Variants in OR5A1 observed in about 807,000 individuals in gnomAD.
The protein encoded by OR5A1 is olfactory receptor 5A1.
In OR5A1, 6 loss-of-function variants were observed where a neutral mutation model predicts 6.7. That is an observed-to-expected ratio of 0.89 (90% CI 0.49 to 1.76). The LOEUF is 1.76. Among genes scored for constraint, OR5A1 ranks in the 40% most tolerant of loss-of-function variants. OR5A1 has a pLI of 0.01. For missense variants in OR5A1, 378 were observed against 381.7 expected (o/e 0.99, Z 0.08); for synonymous variants, 170 against 155.0 (o/e 1.10, Z -0.72).
Position 59,445,465 on chromosome 11 carries a change from AACATAC to A in OR5A1, c.*1354_*1359del, listed in dbSNP as rs1300884889. On this transcript the variant is annotated 3_prime_UTR_variant, in exon 2 of 2. Transcript: ENST00000641045. ...TGCTATTGTGAATAGTGCTGCAATG[AACATAC>A]ACATGCATGTATATTTATAATAGAA... 2 of 152,180 alleles carry A rather than the reference AACATAC, an allele frequency of 1.3e-5. No homozygotes were observed. The highest frequency in any genetic ancestry group is 4.8e-5 in the African/African-American group (2 of 41,444). The allele number at this position is 152,180 out of a possible 1,614,324, so 9.4% of individuals were successfully genotyped here. A position where few individuals can be genotyped will look rare whatever the true frequency, so the allele number is the denominator to read the frequency against.
rs1171329602 is a variant in OR5A1, at chr11:59,447,605, A to G, written c.*3489A>G. On this transcript the variant is annotated 3_prime_UTR_variant, in exon 2 of 2. Coordinates refer to ENST00000641045, the MANE Select transcript of OR5A1 (RefSeq NM_001004728.2). Reference sequence around the variant, plus strand: ...GAGAGATTGTCTGATCCTCACCCCTATTTGGTTGCAGTTACATCATTAGCT... The same window carrying G: ...GAGAGATTGTCTGATCCTCACCCCTGTTTGGTTGCAGTTACATCATTAGCT... 3.3e-5 allele frequency: 5 copies of G among 152,198 alleles called. No individual in the cohort carries two copies. The highest frequency in any genetic ancestry group is 5.9e-5 in the Non-Finnish European group (4 of 68,026). 9.4% of individuals were successfully genotyped at this position (152,198 alleles called of 1,614,324 possible).
rs1436826532 is a variant in OR5A1, at chr11:59,444,182, C to T, written c.*66C>T. 1.0e-5 allele frequency: 11 copies of T among 1,083,520 alleles called. No homozygotes were observed. Among genetic ancestry groups the T allele is most frequent in the Admixed American group, 7.6e-5 (4 of 52,746 alleles). The allele number at this position is 1,083,520 out of a possible 1,614,324, so 67.1% of individuals were successfully genotyped here. A position where few individuals can be genotyped will look rare whatever the true frequency, so the allele number is the denominator to read the frequency against. ...TAAACAATCCAAGCCTTCACCTCCACCTCTGCCTCAGGCAAGGGAGATATT... is the reference window on the plus strand; with the variant it reads ...TAAACAATCCAAGCCTTCACCTCCATCTCTGCCTCAGGCAAGGGAGATATT... On this transcript the variant is annotated 3_prime_UTR_variant, in exon 2 of 2. Coordinates refer to ENST00000641045, the MANE Select transcript of OR5A1 (RefSeq NM_001004728.2).
chr11:59,443,816 A>C lies in OR5A1; in HGVS notation c.648A>C (p.Gln216His). The C allele has an allele frequency of 6.2e-7, 1 of 1,613,804 alleles. No homozygotes were observed. The highest frequency in any genetic ancestry group is 8.5e-7 in the Non-Finnish European group (1 of 1,179,924). ...CTGTCGGAGGAACATCGTTCCTCCA[A>C]CTCCTTATCTCCTATGGTTACATAG... is the stretch of plus-strand genomic sequence containing the variant. ...VVTVGGTSFLQLLISYGYIVS... is the reference protein window; with the variant it reads ...VVTVGGTSFLHLLISYGYIVS... The change falls in exon 2 of 2, where the codon CAA becomes CAC. Residue 216 changes from glutamine (Q) to histidine (H), a missense_variant. By Grantham distance (24) the Gln-to-His change is conservative. Transcript: ENST00000641045.
At position 59,444,286 on chromosome 11, in the gene OR5A1, C is replaced by A. The variant is rs1280802099; in HGVS notation, c.*170C>A. The A allele has an allele frequency of 3.3e-4, 53 of 162,898 alleles. No homozygotes were observed. Among genetic ancestry groups the A allele is most frequent in the East Asian group, 8.5e-4 (6 of 7,062 alleles). The allele number at this position is 162,898 out of a possible 1,614,324, so 10.1% of individuals were successfully genotyped here. A position where few individuals can be genotyped will look rare whatever the true frequency, so the allele number is the denominator to read the frequency against. On this transcript the variant is annotated 3_prime_UTR_variant, in exon 2 of 2. Transcript: ENST00000641045. ...ATGGTCACTTGTCTACTGACTGTGC[C>A]ATAGATAGCCAAAAAGGGAAGGAAT...
At position 59,450,873 on chromosome 11, in the gene OR5A1, A is replaced by G. The variant is rs140168144; in HGVS notation, c.*6757A>G. ...ATGTCTGCAAATACTTAATTGTACT[A>G]TTGTGCCATATTTATTGAACAAATT... On this transcript the variant is annotated 3_prime_UTR_variant, in exon 2 of 2. Transcript: ENST00000641045. 153 of 152,366 alleles carry G rather than the reference A, an allele frequency of 1.0e-3. No homozygotes were observed. The highest frequency in any genetic ancestry group is 3.7e-3 in the African/African-American group (152 of 41,594). 9.4% of individuals were successfully genotyped at this position (152,366 alleles called of 1,614,324 possible).
At position 59,443,832 on chromosome 11, in the gene OR5A1, G is replaced by A; in HGVS notation, c.664G>A (p.Gly222Ser). ...GTTCCTCCAACTCCTTATCTCCTAT[G>A]GTTACATAGTGTCTGCGGTCCTGAA... ...TSFLQLLISY[G>S]YIVSAVLKIP... is the part of the protein sequence containing the mutation. The change falls in exon 2 of 2, where the codon GGT (glycine) becomes AGT (serine). Residue 222 changes from glycine to serine, a missense_variant. Coordinates refer to ENST00000641045, the MANE Select transcript of OR5A1 (RefSeq NM_001004728.2). The A allele has an allele frequency of 6.2e-7, 1 of 1,614,052 alleles. No individual in the cohort carries two copies.
chr11:59,446,988 G>A lies in OR5A1; in HGVS notation c.*2872G>A, dbSNP rs1429200358. 2 of 152,160 alleles carry A rather than the reference G, an allele frequency of 1.3e-5. No homozygotes were observed. Among genetic ancestry groups the A allele is most frequent in the East Asian group, 3.9e-4 (2 of 5,192 alleles). The allele number at this position is 152,160 out of a possible 1,614,324, so 9.4% of individuals were successfully genotyped here. A position where few individuals can be genotyped will look rare whatever the true frequency, so the allele number is the denominator to read the frequency against. ...TCCCATCCACGGCCAATAAAACGTA[G>A]AATGACTCCTACAAATCGTATATAC... On this transcript the variant is annotated 3_prime_UTR_variant, in exon 2 of 2. Transcript: ENST00000641045.
rs1431952133 is a variant in OR5A1 at position 59,450,737 on chromosome 11, T to C, written c.*6621T>C. On this transcript the variant is annotated 3_prime_UTR_variant, in exon 2 of 2. Transcript: ENST00000641045. ...ATACATCTTTTCAGACTTCTAGCCA[T>C]GTAGATATTTTTCCCAAAAATAACA... 6.6e-6 allele frequency: 1 copy of C among 152,224 alleles called. No homozygotes were observed. Among genetic ancestry groups the C allele is most frequent in the Non-Finnish European group, 1.5e-5 (1 of 68,034 alleles). 9.4% of individuals were successfully genotyped at this position (152,224 alleles called of 1,614,324 possible). A position where few individuals can be genotyped will look rare whatever the true frequency, so the allele number is the denominator to read the frequency against.
intron 1 of OR5A1, among the ~76,000 whole-genome samples, chr11:59,440,690 C>T (rs780506602): frequency 4.6e-5 from 7 of 152,218 alleles, no homozygotes; most frequent in African/African-American, 9.7e-5. Flanking sequence ...TGTGACTCTA[C>T]ATCTGCTCTC....
chr11:59,445,955 T>C lies in OR5A1; in HGVS notation c.*1839T>C, dbSNP rs1368784433. 1 of 152,228 alleles carries C rather than the reference T, an allele frequency of 6.6e-6. No homozygotes were observed. Among genetic ancestry groups the C allele is most frequent in the Non-Finnish European group, 1.5e-5 (1 of 68,040 alleles). The allele number at this position is 152,228 out of a possible 1,614,324, so 9.4% of individuals were successfully genotyped here. A position where few individuals can be genotyped will look rare whatever the true frequency, so the allele number is the denominator to read the frequency against. On this transcript the variant is annotated 3_prime_UTR_variant, in exon 2 of 2. Coordinates refer to ENST00000641045, the MANE Select transcript of OR5A1 (RefSeq NM_001004728.2). ...TCTGTAGGTTGTCTGTTCATTCTAA[T>C]GATAGCTTCTTTTGCAGAATCTCTT...
Position 59,445,473 on chromosome 11 carries a change from C to T in OR5A1, c.*1357C>T, listed in dbSNP as rs916306112. On this transcript the variant is annotated 3_prime_UTR_variant, in exon 2 of 2. Transcript: ENST00000641045. ...TGAATAGTGCTGCAATGAACATACA[C>T]ATGCATGTATATTTATAATAGAATT... The T allele has an allele frequency of 3.3e-5, 5 of 152,102 alleles. No individual in the cohort carries two copies. The highest frequency in any genetic ancestry group is 1.2e-4 in the African/African-American group (5 of 41,414). 9.4% of individuals were successfully genotyped at this position (152,102 alleles called of 1,614,324 possible).
At chr11:59,439,480 G>T (rs1020069001) in intron 1 of OR5A1, among the ~76,000 whole-genome samples, 2 of 152,170 alleles carry the variant, frequency 1.3e-5, no homozygotes, top group African/African-American at 4.8e-5. Context: ...CCCCAAGTTT[G>T]CTGCAAGAGT....
chr11:59,443,249 G>A lies in OR5A1; in HGVS notation c.81G>A (p.Gln27=). The A allele has an allele frequency of 6.2e-7, 1 of 1,614,008 alleles. No homozygotes were observed. Among genetic ancestry groups the A allele is most frequent in the Non-Finnish European group, 8.5e-7 (1 of 1,179,994 alleles). ...GATTCACAGACCATCCAGAACTCCA[G>A]GCCCTCCTCTTTGTGACCTTCCTGG... ...LLGFTDHPEL[Q]ALLFVTFLGI... Residue 27 remains glutamine (Q), a synonymous_variant, in exon 2 of 2, where the codon CAG becomes CAA. Transcript: ENST00000641045.
intron 1 of OR5A1, among the ~76,000 whole-genome samples, chr11:59,437,877 A>G (rs1858437187): frequency 6.6e-6 from 1 of 152,216 alleles, no homozygotes; most frequent in South Asian, 2.1e-4. Context: ...TCCAAATCTC[A>G]TGTTGAAATG....
rs750142044 is a variant in OR5A1, at chr11:59,443,905, C to T, written c.737C>T (p.Ser246Leu). The change falls in exon 2 of 2, where the codon TCG becomes TTG. Residue 246 changes from serine to leucine, a missense_variant. Ser to Leu is a moderately radical substitution (Grantham distance 145, BLOSUM62 -2). Coordinates refer to ENST00000641045, the MANE Select transcript of OR5A1 (RefSeq NM_001004728.2). ...TGGAAAGCCTGCAACACGTGTGCCT[C>T]GCATCTGATGGTGGTGACTCTGCTG... ...GRWKACNTCA[S>L]HLMVVTLLFG... 35 of 1,614,104 alleles carry T rather than the reference C, an allele frequency of 2.2e-5. No individual in the cohort carries two copies. Among genetic ancestry groups the T allele is most frequent in the Non-Finnish European group, 2.8e-5 (33 of 1,180,012 alleles).
chr11:59,443,938 C>G lies in OR5A1; in HGVS notation c.770C>G (p.Thr257Arg). The change falls in exon 2 of 2, where the codon ACA (threonine) becomes AGA (arginine). Residue 257 changes from threonine (T) to arginine (R), a missense_variant. Thr to Arg is a moderately conservative substitution (Grantham distance 71). Coordinates refer to ENST00000641045, the MANE Select transcript of OR5A1 (RefSeq NM_001004728.2). ...ATGGTGGTGACTCTGCTGTTTGGGA[C>G]AGCCCTTTTCGTGTACTTGCGACCC... Reference protein sequence around the residue: ...HLMVVTLLFGTALFVYLRPSS... With the variant: ...HLMVVTLLFGRALFVYLRPSS... 3 of 1,614,156 alleles carry G rather than the reference C, an allele frequency of 1.9e-6. No homozygotes were observed. The highest frequency in any genetic ancestry group is 2.5e-6 in the Non-Finnish European group (3 of 1,180,028).
chr11:59,439,938 G>T (rs538120758), intron 1 of OR5A1, among the ~76,000 whole-genome samples: 1 of 152,274 alleles, frequency 6.6e-6, no homozygotes, highest in East Asian at 1.9e-4. Flanking sequence ...AATATTTTAA[G>T]GAATAGTTGC....
At chr11:59,441,530 G>A (rs966799837) in intron 1 of OR5A1, among the ~76,000 whole-genome samples, 1 of 152,108 alleles carries the variant, frequency 6.6e-6, no homozygotes, top group African/African-American at 2.4e-5. Context: ...AACCTTTAAG[G>A]GTCATTCACC....
chr11:59,443,752 C>G lies in OR5A1; in HGVS notation c.584C>G (p.Thr195Ser). ...GTCCTGGCTCTGTCTTGCTCTGACA[C>G]CTTCCTCAGTCAAGTGGTGAATTTC... ...PPVLALSCSD[T>S]FLSQVVNFLV... Residue 195 changes from threonine to serine, a missense_variant, in exon 2 of 2, where the codon ACC becomes AGC. Physicochemically the swap from Thr to Ser is moderately conservative, Grantham distance 58. Transcript: ENST00000641045. 6.2e-7 allele frequency: 1 copy of G among 1,614,148 alleles called. No homozygotes were observed.
Sources: allele counts gnomAD v4.1 joint callset (sites outside exome capture counted in the v4.1 genomes callset), GRCh38; gene constraint gnomAD v4.1.1; transcripts MANE v1.5; gene names NCBI Gene and HGNC (gene_info 2026-07-23, HGNC 2026-07-21).